Variants in EDC3 observed in about 807,000 individuals in gnomAD.
The protein encoded by EDC3 is enhancer of mRNA decapping 3.
EDC3 carries 20 observed loss-of-function variants against 41.8 expected under a neutral mutation model. The observed-to-expected ratio is 0.48, with a 90% CI of 0.34 to 0.70. The LOEUF is 0.70. Among genes scored for constraint, EDC3 ranks in the 30% least tolerant of loss-of-function variants. The pLI is 0.01. For synonymous variants in EDC3, 206 were observed against 243.2 expected (o/e 0.85, Z 1.42); for missense variants, 444 against 636.8 (o/e 0.70, Z 3.26).
At chr15:74,667,418 A>G (rs2062687371) in intron 3 of EDC3, among the ~76,000 whole-genome samples, 1 of 139,802 alleles carries the variant, frequency 7.2e-6, no homozygotes, top group Non-Finnish European at 1.5e-5. Context: ...CCTAGTGAAG[A>G]AGAAAGAAAG....
At chr15:74,667,454 G>A (rs2062688701) in intron 3 of EDC3, among the ~76,000 whole-genome samples, 1 of 120,490 alleles carries the variant, frequency 8.3e-6, no homozygotes, top group Non-Finnish European at 1.7e-5. Flanking sequence ...GGGAGGGGGA[G>A]AGGGAGGGGG....
intron 1 of EDC3, among the ~76,000 whole-genome samples, chr15:74,685,537 T>C (rs971623044): frequency 1.3e-5 from 2 of 152,172 alleles, no homozygotes; most frequent in East Asian, 1.9e-4. Context: ...AATCAATCGA[T>C]GAATGAATTA....
chr15:74,635,829 A>G (rs2062266447), intron 5 of EDC3: 1 of 587,230 alleles, frequency 1.7e-6, no homozygotes, highest in Admixed American at 3.0e-5. Flanking sequence ...CCAACCTCAC[A>G]TCATTGCTGG....
Position 74,674,944 on chromosome 15 carries a change from T to G in EDC3, c.164+17A>C. 6.2e-7 allele frequency: 1 copy of G among 1,613,376 alleles called. No homozygotes were observed. The highest frequency in any genetic ancestry group is 8.5e-7 in the Non-Finnish European group (1 of 1,179,842). Reference sequence around the variant, plus strand: ...GACCACCAGGTTGGATTCAGAAGAGTCAGTCAGGACACTCACCTGAAGGTG... The same window carrying G: ...GACCACCAGGTTGGATTCAGAAGAGGCAGTCAGGACACTCACCTGAAGGTG... On this transcript the variant is annotated intron_variant, in intron 2 of 6. Coordinates refer to ENST00000315127, the MANE Select transcript of EDC3 (RefSeq NM_025083.5).
intron 1 of EDC3, among the ~76,000 whole-genome samples, chr15:74,688,893 C>T (rs1369979209): frequency 7.1e-6 from 1 of 140,674 alleles, no homozygotes; most frequent in African/African-American, 2.7e-5. Context: ...GGTGACAGAG[C>T]GAGATGCTGT....
intron 1 of EDC3, among the ~76,000 whole-genome samples, chr15:74,677,357 G>GC (rs1489287049): frequency 7.4e-6 from 1 of 135,236 alleles, no homozygotes; most frequent in Non-Finnish European, 1.6e-5. Context: ...ACCATGCCCA[G>GC]CCTTTTTTTT....
chr15:74,683,356 G>A (rs1408577666), intron 1 of EDC3, among the ~76,000 whole-genome samples: 8 of 152,166 alleles, frequency 5.3e-5, no homozygotes, highest in Admixed American at 1.3e-4. Flanking sequence ...CCAACATGGC[G>A]AAGCCTCGTC....
intron 5 of EDC3, 64 bp from the exon 6 acceptor site, chr15:74,635,690 A>G (rs1567152185): frequency 2.1e-6 from 3 of 1,441,094 alleles, no homozygotes; most frequent in Non-Finnish European, 2.9e-6. Context: ...ACCCTATACC[A>G]GACAATTGCC....
chr15:74,661,745 AAAAAG>A (rs1393068517), intron 3 of EDC3, among the ~76,000 whole-genome samples: 129 of 146,454 alleles, frequency 8.8e-4, no homozygotes, highest in Middle Eastern at 7.1e-3. Context: ...AAAAAAAAAG[AAAAAG>A]AAAAAGAAAA....
At chr15:74,636,800 A>G (rs1372004829) in intron 5 of EDC3, 1 of 152,242 alleles carries the variant, frequency 6.6e-6, no homozygotes, top group Non-Finnish European at 1.5e-5. Context: ...TTTAGAGGAA[A>G]TATGATGAGA....
chr15:74,647,387 C>T (rs1053707479), intron 4 of EDC3, among the ~76,000 whole-genome samples: 1 of 152,134 alleles, frequency 6.6e-6, no homozygotes, highest in African/African-American at 2.4e-5. Flanking sequence ...GTCACATTAG[C>T]AGGGACCAGT....
chr15:74,642,973 A>G (rs2062371888), intron 4 of EDC3: 2 of 152,270 alleles, frequency 1.3e-5, no homozygotes, highest in South Asian at 4.1e-4. Flanking sequence ...GTGAATCAGC[A>G]TATTTTTGCA....
At position 74,634,236 on chromosome 15, in the gene EDC3, A is replaced by G. The variant is rs139559198; in HGVS notation, c.1192+1173T>C. ...AACCTAGAACGGGGCTTGCTGACAC[A>G]CTGACCACATGCTCCTTTCTTCACT... On this transcript the variant is annotated intron_variant, in intron 6 of 6. Coordinates refer to ENST00000315127, the MANE Select transcript of EDC3 (RefSeq NM_025083.5). Among the ~76,000 whole-genome samples the G allele has an allele frequency of 3.2e-3, 489 of 152,234 alleles. 1 individual carries two copies. Among genetic ancestry groups the G allele is most frequent in the African/African-American group, 0.011 (462 of 41,534 alleles).
chr15:74,659,047 CCA>C (rs2062588222), intron 3 of EDC3, among the ~76,000 whole-genome samples: 4 of 152,184 alleles, frequency 2.6e-5, no homozygotes, highest in Admixed American at 2.6e-4. Flanking sequence ...ATGAAGCTAG[CCA>C]CAGTTTGGGT....
chr15:74,630,998 G>C lies in EDC3; in HGVS notation c.*1614C>G, dbSNP rs1384435493. On this transcript the variant is annotated 3_prime_UTR_variant, in exon 7 of 7. Coordinates refer to ENST00000315127, the MANE Select transcript of EDC3 (RefSeq NM_025083.5). ...TGCTCCTCAGATTTTGGCCAAGAGA[G>C]GGCCCCGGCTTGGGAGCTGCTTGGC... 2.6e-5 allele frequency: 4 copies of C among 152,244 alleles called. No homozygotes were observed. The highest frequency in any genetic ancestry group is 5.9e-5 in the Non-Finnish European group (4 of 68,060). 9.4% of individuals were successfully genotyped at this position (152,244 alleles called of 1,614,324 possible).
intron 4 of EDC3, among the ~76,000 whole-genome samples, chr15:74,645,571 G>GTT (rs1373534255): frequency 2.1e-5 from 3 of 145,828 alleles, no homozygotes; most frequent in African/African-American, 7.6e-5. Flanking sequence ...AGTTGGGGGG[G>GTT]GGGGGGTGCC....
chr15:74,659,062 A>G (rs2062588343), intron 3 of EDC3, among the ~76,000 whole-genome samples: 1 of 152,244 alleles, frequency 6.6e-6, no homozygotes, highest in African/African-American at 2.4e-5. Flanking sequence ...GTTTGGGTTA[A>G]GTTCTAGTTC....
chr15:74,692,732 T>C (rs759379148), intron 1 of EDC3, among the ~76,000 whole-genome samples: 3 of 152,246 alleles, frequency 2.0e-5, no homozygotes, highest in African/African-American at 4.8e-5. Flanking sequence ...AGCTATGTTA[T>C]GTATTTCTTA....
At chr15:74,645,566 G>C (rs1370740390) in intron 4 of EDC3, among the ~76,000 whole-genome samples, 4 of 76,894 alleles carry the variant, frequency 5.2e-5, no homozygotes, top group Non-Finnish European at 1.1e-4. Context: ...AAAAAAGTTG[G>C]GGGGGGGGGG....
Sources: allele counts gnomAD v4.1 joint callset (sites outside exome capture counted in the v4.1 genomes callset), GRCh38; gene constraint gnomAD v4.1.1; transcripts MANE v1.5; gene names NCBI Gene and HGNC (gene_info 2026-07-23, HGNC 2026-07-21).